The following CDH17 variants were observed in gnomAD, a reference collection of about 807,000 sequenced individuals.
The protein encoded by CDH17 is cadherin-17.
In CDH17, 67 loss-of-function variants were observed where a neutral mutation model predicts 86.3. The observed-to-expected ratio is 0.78, with a 90% CI of 0.64 to 0.95. CDH17 has a LOEUF of 0.95. CDH17 is among the 40% of genes least tolerant of loss of function. The pLI is 0.00. For synonymous variants in CDH17, 367 were observed against 366.4 expected, an observed-to-expected ratio of 1.00 and a Z score of -0.02; for missense variants, 993 against 1,017.6, an observed-to-expected ratio of 0.98 and a Z score of 0.33.
intron 3 of CDH17, among the ~76,000 whole-genome samples, chr8:94,178,782 GT>G (rs1241776285): frequency 1.3e-5 from 2 of 152,110 alleles, no homozygotes; most frequent in African/African-American, 4.8e-5. Context: ...AAGAGTTGAT[GT>G]GTTAAATGGG....
intron 17 of CDH17, among the ~76,000 whole-genome samples, chr8:94,129,368 C>T (rs1812365864): frequency 6.6e-6 from 1 of 152,008 alleles, no homozygotes; most frequent in South Asian, 2.1e-4. Flanking sequence ...AGATGATCAC[C>T]ATGCACACAT....
At chr8:94,174,078 C>A in intron 6 of CDH17, 24 bp downstream of exon 6, 1 of 1,612,328 alleles carries the variant, frequency 6.2e-7, no homozygotes, top group Non-Finnish European at 8.5e-7. Flanking sequence ...CGAGACAGTC[C>A]TACCAGGGCA....
In CDH17 at chr8:94,185,532, T is replaced by A. The variant is rs73695143; in HGVS notation, c.150+3655A>T. On this transcript the variant is annotated intron_variant, in intron 3 of 17. Transcript: ENST00000027335. ...TCTGGATGTTTGTCCGTTGTAAAGC[T>A]TGTAAGTTGAAGATTGCATCTATGT... Among the ~76,000 whole-genome samples the A allele has an allele frequency of 5.5e-3, 841 of 152,300 alleles. 11 individuals are homozygous for A. The highest frequency in any genetic ancestry group is 0.019 in the African/African-American group (795 of 41,550).
At chr8:94,190,195 A>G (rs1813660060) in intron 2 of CDH17, among the ~76,000 whole-genome samples, 1 of 152,220 alleles carries the variant, frequency 6.6e-6, no homozygotes, top group Non-Finnish European at 1.5e-5. Context: ...AAAGAGGTTA[A>G]ATTATTTGCC....
intron 12 of CDH17, among the ~76,000 whole-genome samples, chr8:94,157,474 C>G (rs146151687): frequency 1.3e-5 from 2 of 152,252 alleles, no homozygotes; most frequent in African/African-American, 4.8e-5. Flanking sequence ...TGCTTAGCAT[C>G]TGAAAGAACC....
At chr8:94,155,959 G>T (rs1255877148) in intron 12 of CDH17, among the ~76,000 whole-genome samples, 1 of 152,160 alleles carries the variant, frequency 6.6e-6, no homozygotes, top group Non-Finnish European at 1.5e-5. Flanking sequence ...TGCTAAATTA[G>T]CACATGGTAA....
Position 94,128,285 on chromosome 8 carries a change from A to G in CDH17, c.2454T>C (p.Asn818=), listed in dbSNP as rs143301323. ...CTTCAGATGCTTGAGCACTTTCAAC[A>G]TTATCTTTGCCTTTATCCTTCTTTA... ...IRIKKDKGKD[N]VESAQASEVK... is the part of the protein sequence containing the mutation. The change falls in exon 18 of 18, where the codon AAT becomes AAC. Residue 818 remains asparagine, a synonymous_variant. Coordinates refer to ENST00000027335, the MANE Select transcript of CDH17 (RefSeq NM_004063.4). 27 of 1,613,624 alleles carry G rather than the reference A, an allele frequency of 1.7e-5. No homozygotes were observed. In the African/African-American group the frequency reaches 3.3e-4, roughly 20 times the overall value.
In CDH17 at chr8:94,130,903, G is replaced by T. The variant is rs1812400166; in HGVS notation, c.2257C>A (p.Pro753Thr). The change falls in exon 16 of 18, where the codon CCC (proline) becomes ACC (threonine). Residue 753 changes from proline (P) to threonine (T), a missense_variant. Coordinates refer to ENST00000027335, the MANE Select transcript of CDH17 (RefSeq NM_004063.4). ...GGTAAAGAAACAATGCCTTCCAAGG[G>T]TGGCCGACCCCCATCATTGATGCGG... is the stretch of plus-strand genomic sequence containing the variant. ...LIRINDGGRP[P>T]LEGIVSLPVT... 6.2e-7 allele frequency: 1 copy of T among 1,609,270 alleles called. No homozygotes were observed. Among genetic ancestry groups the T allele is most frequent in the Non-Finnish European group, 8.5e-7 (1 of 1,175,754 alleles).
At chr8:94,139,532 ACTTAAAAGTAATAAGAGAATAT>A (rs1489576569) in intron 15 of CDH17, among the ~76,000 whole-genome samples, 1 of 152,242 alleles carries the variant, frequency 6.6e-6, no homozygotes, top group African/African-American at 2.4e-5. Context: ...ACATCAAATT[ACTTAAAAGTAATAAGAGAATAT>A]CTTAAAAGCA....
At chr8:94,136,359 T>C (rs1412304518) in intron 15 of CDH17, among the ~76,000 whole-genome samples, 7 of 151,806 alleles carry the variant, frequency 4.6e-5, no homozygotes, top group Admixed American at 4.6e-4. Context: ...CTTTTTACTC[T>C]TTTTTTCTCC....
At chr8:94,168,104 A>ATATATATG (rs1813192844) in intron 9 of CDH17, among the ~76,000 whole-genome samples, 1 of 4,718 alleles carries the variant, frequency 2.1e-4, no homozygotes, top group African/African-American at 5.3e-4. Context: ...GGGAATATAT[A>ATATATATG]TATATATATA....
In CDH17 at chr8:94,176,581, C is replaced by T. The variant is rs1419614617; in HGVS notation, c.384G>A (p.Gln128=). 6.2e-7 allele frequency: 1 copy of T among 1,613,838 alleles called. No homozygotes were observed. Among genetic ancestry groups the T allele is most frequent in the South Asian group, 1.1e-5 (1 of 91,082 alleles). The change falls in exon 5 of 18, where the codon CAG becomes CAA. Residue 128 remains glutamine (Q), a synonymous_variant. Coordinates refer to ENST00000027335, the MANE Select transcript of CDH17 (RefSeq NM_004063.4). ...GCCTTACTGAGCCTTCGTACTTTGA[C>T]TGGAGAAACGTGGGTCGATTGTCGT... The part of the protein sequence containing the change: ...DINDNRPTFL[Q]SKYEGSVRQN...
rs371090190 is a variant in CDH17, at chr8:94,194,617, A to T, written c.51+18T>A. 2 of 1,549,656 alleles carry T rather than the reference A, an allele frequency of 1.3e-6. No homozygotes were observed. Among genetic ancestry groups the T allele is most frequent in the Non-Finnish European group, 1.8e-6 (2 of 1,123,720 alleles). The stretch of plus-strand genomic sequence containing the variant: ...ATATTCTAGTAAACAAATAGAGAAG[A>T]ACACCCTCTTCTCTTACCAAATAAA... On this transcript the variant is annotated intron_variant, in intron 2 of 17. Coordinates refer to ENST00000027335, the MANE Select transcript of CDH17 (RefSeq NM_004063.4).
At chr8:94,182,780 C>G (rs1813508423) in intron 3 of CDH17, among the ~76,000 whole-genome samples, 1 of 151,644 alleles carries the variant, frequency 6.6e-6, no homozygotes, top group South Asian at 2.1e-4. Context: ...TAGGCAAGAA[C>G]AAGAAATAAA....
intron 12 of CDH17, among the ~76,000 whole-genome samples, chr8:94,154,786 T>C (rs1812915791): frequency 6.6e-6 from 1 of 152,172 alleles, no homozygotes; most frequent in Non-Finnish European, 1.5e-5. Flanking sequence ...CTAAGCTCCA[T>C]GAGAAGAAGA....
chr8:94,148,970 T>G, intron 13 of CDH17, 96 bp from the exon 14 acceptor site: 2 of 926,518 alleles, frequency 2.2e-6, no homozygotes, highest in Non-Finnish European at 3.2e-6. Context: ...TGTGCATCCT[T>G]GAAATATGTT....
At chr8:94,204,056 G>T (rs1025223008) in intron 1 of CDH17, among the ~76,000 whole-genome samples, 2 of 152,094 alleles carry the variant, frequency 1.3e-5, no homozygotes, top group East Asian at 3.9e-4. Context: ...AACTTAAAAT[G>T]GTTTAGATTG....
intron 5 of CDH17, among the ~76,000 whole-genome samples, chr8:94,174,692 C>G (rs1813338352): frequency 6.6e-6 from 1 of 152,180 alleles, no homozygotes; most frequent in African/African-American, 2.4e-5. Context: ...AAATATTCCT[C>G]TCTTGTCCAA....
intron 15 of CDH17, among the ~76,000 whole-genome samples, chr8:94,145,528 GTTCA>G (rs1812724297): frequency 6.6e-6 from 1 of 152,146 alleles, no homozygotes; most frequent in African/African-American, 2.4e-5. Flanking sequence ...TGGTGGAAAT[GTTCA>G]TTGTCTTGAT....
Sources: allele counts gnomAD v4.1 joint callset (sites outside exome capture counted in the v4.1 genomes callset), GRCh38; gene constraint gnomAD v4.1.1; transcripts MANE v1.5; gene names NCBI Gene and HGNC (gene_info 2026-07-23, HGNC 2026-07-21).